Variants in SLC15A5 observed in about 807,000 individuals in gnomAD.
SLC15A5 encodes Peptide/histidine transporter ENSP00000340402.
SLC15A5 carries 58 observed loss-of-function variants against 56.1 expected under a neutral mutation model. The ratio of observed to expected loss-of-function variants is 1.03; its 90% CI spans 0.84 to 1.29. The LOEUF (loss-of-function observed/expected upper bound fraction) is 1.29. Among genes scored for constraint, SLC15A5 ranks in the 50% most tolerant of loss-of-function variants. SLC15A5 has a pLI of 0.00. For synonymous variants in SLC15A5, 264 were observed against 250.5 expected (o/e 1.05, Z -0.51); for missense variants, 681 against 672.1 (o/e 1.01, Z -0.15).
At chr12:16,193,586 G>C (rs1273552661) in intron 8 of SLC15A5, among the ~76,000 whole-genome samples, 1 of 151,954 alleles carries the variant, frequency 6.6e-6, no homozygotes, top group Non-Finnish European at 1.5e-5. Flanking sequence ...AGAGATAAAT[G>C]GATGGAAGGA....
intron 3 of SLC15A5, among the ~76,000 whole-genome samples, chr12:16,257,377 C>G (rs1784315798): frequency 1.3e-5 from 2 of 152,066 alleles, no homozygotes; most frequent in Admixed American, 1.3e-4. Flanking sequence ...CATGTATAGT[C>G]TTTATCTACT....
chr12:16,277,286 T>C (rs776077282), intron 1 of SLC15A5, 39 bp downstream of exon 1: 7 of 1,434,590 alleles, frequency 4.9e-6, no homozygotes, highest in Non-Finnish European at 6.4e-6. Context: ...ATCTACTTAA[T>C]TAAGTCACAA....
At chr12:16,272,334 G>A (rs1047957590) in intron 2 of SLC15A5, among the ~76,000 whole-genome samples, 4 of 152,102 alleles carry the variant, frequency 2.6e-5, no homozygotes, top group African/African-American at 4.8e-5. Context: ...TTTACCTGGA[G>A]GATAAATGTG....
Position 16,235,320 on chromosome 12 carries a change from G to GTATATGTATATATA in SLC15A5, c.1162+4360_1162+4361insTATATATACATATA, listed in dbSNP as rs1864342423. Among the ~76,000 whole-genome samples, 1 of 148,878 alleles carries GTATATGTATATATA rather than the reference G, an allele frequency of 6.7e-6. No homozygotes were observed. The highest frequency in any genetic ancestry group is 2.0e-4 in the East Asian group (1 of 5,128). On this transcript the variant is annotated intron_variant, in intron 5 of 8. Transcript: ENST00000344941. This position sits in a 1 kb window ranked among gnomAD's most constrained non-coding sequence, Gnocchi z 4.1. ...TGTATATGTATATATATGTATATATGTATATGTATATGTACATATATATGA... is the reference window on the plus strand; with the variant it reads ...TGTATATGTATATATATGTATATATGTATATGTATATATATATATGTATATGTACATATATATGA...
At chr12:16,236,452 T>C (rs943652221) in intron 5 of SLC15A5, among the ~76,000 whole-genome samples, 2 of 152,204 alleles carry the variant, frequency 1.3e-5, no homozygotes, top group Non-Finnish European at 2.9e-5. Context: ...TTCTTTTTAA[T>C]AGTTGGAGAC....
At chr12:16,239,951 T>G in intron 4 of SLC15A5, 84 bp from the exon 5 acceptor site, 3 of 1,220,734 alleles carry the variant, frequency 2.5e-6, no homozygotes. Flanking sequence ...CCTACCCTCT[T>G]GCACGTACTC....
intron 2 of SLC15A5, 136 bp from the exon 3 acceptor site, chr12:16,258,006 T>C (rs1409419491): frequency 1.5e-6 from 1 of 667,856 alleles, no homozygotes; most frequent in African/African-American, 1.9e-5. Flanking sequence ...GCAAATGTTG[T>C]TTATCAGATT....
Position 16,272,803 on chromosome 12 carries a change from A to G in SLC15A5, c.362-20T>C, listed in dbSNP as rs781288162. On this transcript the variant is annotated intron_variant, in intron 1 of 8. Transcript: ENST00000344941. ...CAGTGCCTGTAGGTGGAGAAAAAAAAAGAGTAAATGTAGCATAGAACAAGT... is the reference window on the plus strand; with the variant it reads ...CAGTGCCTGTAGGTGGAGAAAAAAAGAGAGTAAATGTAGCATAGAACAAGT... 2.2e-5 allele frequency: 34 copies of G among 1,529,624 alleles called. No individual in the cohort carries two copies. Among genetic ancestry groups the G allele is most frequent in the Admixed American group, 3.9e-5 (2 of 50,912 alleles). 94.8% of individuals were successfully genotyped at this position (1,529,624 alleles called of 1,614,324 possible). A position where few individuals can be genotyped will look rare whatever the true frequency, so the allele number is the denominator to read the frequency against.
At chr12:16,230,557 T>C (rs1162282325) in intron 5 of SLC15A5, among the ~76,000 whole-genome samples, 1 of 152,152 alleles carries the variant, frequency 6.6e-6, no homozygotes, top group Admixed American at 6.5e-5. Flanking sequence ...AAAATTTAGA[T>C]GAATTTTTAA....
At chr12:16,229,647 TACAC>T (rs71438372) in intron 5 of SLC15A5, among the ~76,000 whole-genome samples, 4,797 of 144,282 alleles carry the variant, frequency 0.033, 164 homozygotes, top group African/African-American at 0.08. Flanking sequence ...CACACACACA[TACAC>T]ACACACACAC....
rs572996231 is a variant in SLC15A5 at position 16,195,351 on chromosome 12, A to C, written c.1484-898T>G. Among the ~76,000 whole-genome samples the C allele has an allele frequency of 2.0e-5, 3 of 152,170 alleles. No individual in the cohort carries two copies. The East Asian group carries it at 5.8e-4, about 29-fold the overall frequency. On this transcript the variant is annotated intron_variant, in intron 7 of 8. Transcript: ENST00000344941. The stretch of plus-strand genomic sequence containing the variant: ...CTATTTTATGAATATTGTATATGTG[A>C]TACTTAATTTTAGGCAATACTTTAA...
rs545377943 is a variant in SLC15A5, at chr12:16,205,055, A to T, written c.1484-10602T>A. On this transcript the variant is annotated intron_variant, in intron 7 of 8. Coordinates refer to ENST00000344941, the MANE Select transcript of SLC15A5 (RefSeq NM_001170798.1). The stretch of plus-strand genomic sequence containing the variant: ...ATATGACATAAATCACAATATTCTT[A>T]AAGTATCATGAGCATATATAAACTG... Among the ~76,000 whole-genome samples the T allele has an allele frequency of 5.3e-5, 8 of 152,258 alleles. No homozygotes were observed. In the East Asian group the frequency reaches 1.5e-3, roughly 29 times the overall value.
intron 5 of SLC15A5, among the ~76,000 whole-genome samples, chr12:16,228,840 ATTGT>A (rs1030303496): frequency 1.7e-4 from 7 of 42,298 alleles, no homozygotes; most frequent in African/African-American, 2.7e-4. Flanking sequence ...ATGTATATTG[ATTGT>A]TTATGTTATT....
intron 1 of SLC15A5, among the ~76,000 whole-genome samples, chr12:16,276,095 G>A (rs375675023): frequency 1.6e-3 from 238 of 151,992 alleles, no homozygotes; most frequent in Middle Eastern, 3.4e-3. Flanking sequence ...TGCATTTCCA[G>A]ACCCAGAATA....
chr12:16,246,234 AG>A (rs1161759530), intron 3 of SLC15A5, among the ~76,000 whole-genome samples: 1 of 152,198 alleles, frequency 6.6e-6, no homozygotes, highest in African/African-American at 2.4e-5. Context: ...AAGTAGATGA[AG>A]GCCCAGGTAC....
intron 7 of SLC15A5, among the ~76,000 whole-genome samples, chr12:16,216,527 A>G (rs2136246245): frequency 6.6e-6 from 1 of 152,270 alleles, no homozygotes; most frequent in South Asian, 2.1e-4. Context: ...AAGATCATTC[A>G]GGTACCCTAT....
intron 7 of SLC15A5, among the ~76,000 whole-genome samples, chr12:16,205,871 A>C (rs1247684338): frequency 1.3e-5 from 2 of 152,106 alleles, no homozygotes; most frequent in Non-Finnish European, 2.9e-5. Context: ...AAATCTTAAA[A>C]TGTGCCTTTT....
rs907870295 is a variant in SLC15A5, at chr12:16,265,545, C to A, written c.584+7016G>T. Among the ~76,000 whole-genome samples, 3 of 152,190 alleles carry A rather than the reference C, an allele frequency of 2.0e-5. No individual in the cohort carries two copies. The South Asian group carries it at 6.2e-4, about 31-fold the overall frequency. On this transcript the variant is annotated intron_variant, in intron 2 of 8. Coordinates refer to ENST00000344941, the MANE Select transcript of SLC15A5 (RefSeq NM_001170798.1). ...CTAGGCTGGAGTACAGTAGCATGAC[C>A]TTGACTCACTGCAGCCTTGATTTCT...
At chr12:16,200,478 G>C (rs930043703) in intron 7 of SLC15A5, among the ~76,000 whole-genome samples, 5 of 151,936 alleles carry the variant, frequency 3.3e-5, no homozygotes, top group Non-Finnish European at 7.4e-5. Flanking sequence ...TGATCAAATT[G>C]TCAAAGAAGA....
Sources: allele counts gnomAD v4.1 joint callset (sites outside exome capture counted in the v4.1 genomes callset), GRCh38; gene constraint gnomAD v4.1.1; non-coding constraint Gnocchi (gnomAD v3.1); transcripts MANE v1.5; gene names NCBI Gene and HGNC (gene_info 2026-07-23, HGNC 2026-07-21).